Variants in CDH4 observed in about 807,000 individuals in gnomAD.
CDH4 encodes cadherin 4.
CDH4 carries 33 observed loss-of-function variants against 86.0 expected under a neutral mutation model. That is an observed-to-expected ratio of 0.38 (90% CI 0.29 to 0.51). The LOEUF (loss-of-function observed/expected upper bound fraction) is 0.51, where lower values mean the gene tolerates loss of function less well. CDH4 is among the 20% of genes least tolerant of loss of function. The pLI, the probability that CDH4 is intolerant of heterozygous loss-of-function variation, is 0.86. For synonymous variants in CDH4, 555 were observed against 549.4 expected (o/e 1.01, Z -0.14); for missense variants, 1,114 against 1,307.4 (o/e 0.85, Z 2.28).
chr20:61,410,018 G>T (rs1051586775), intron 2 of CDH4, among the ~76,000 whole-genome samples: 1 of 152,206 alleles, frequency 6.6e-6, no homozygotes, highest in East Asian at 1.9e-4. Context: ...AGGGTGTACA[G>T]TGCAGCTCAG....
At chr20:61,560,381 A>T (rs1600758903) in intron 2 of CDH4, among the ~76,000 whole-genome samples, 1 of 152,238 alleles carries the variant, frequency 6.6e-6, no homozygotes, top group African/African-American at 2.4e-5. Context: ...TCTTCTGGGC[A>T]TGTGACTCGC....
chr20:61,876,798 G>C (rs1984044947), intron 7 of CDH4, among the ~76,000 whole-genome samples: 1 of 152,162 alleles, frequency 6.6e-6, no homozygotes, highest in African/African-American at 2.4e-5. Context: ...ATAGATAAAG[G>C]GACTAAAGAC....
intron 2 of CDH4, among the ~76,000 whole-genome samples, chr20:61,523,645 A>G (rs2085889498): frequency 6.6e-6 from 1 of 152,182 alleles, no homozygotes; most frequent in South Asian, 2.1e-4. Flanking sequence ...TCTCCCAGCT[A>G]CTTTCCTGGG....
chr20:61,686,509 GTGTGTGCATTCGTGTGTGCATTTGTGTA>G (rs1482750390), intron 2 of CDH4, among the ~76,000 whole-genome samples: 2 of 151,750 alleles, frequency 1.3e-5, no homozygotes, highest in African/African-American at 2.4e-5. Context: ...GTGTGTATAT[GTGTGTGCATTCGTGTGTGCATTTGTGTA>G]TGTGTGCATT....
rs998586787 is a variant in CDH4 at position 61,743,906 on chromosome 20, G to T, written c.396+117G>T. The T allele has an allele frequency of 3.8e-6, 3 of 788,476 alleles. No individual in the cohort carries two copies. In the South Asian group the frequency reaches 4.9e-5, roughly 13 times the overall value. The allele number at this position is 788,476 out of a possible 1,614,324, so 48.8% of individuals were successfully genotyped here. ...GGACAGACAGTCACCTCCTCCTCGG[G>T]CTGTGCCACTCAGGCCATTGCCAAC... On this transcript the variant is annotated intron_variant, in intron 3 of 15. Coordinates refer to ENST00000614565, the MANE Select transcript of CDH4 (RefSeq NM_001794.5).
intron 2 of CDH4, among the ~76,000 whole-genome samples, chr20:61,507,664 A>G (rs552417783): frequency 7.6e-4 from 116 of 152,206 alleles, no homozygotes; most frequent in Non-Finnish European, 1.5e-3. Flanking sequence ...GGAAAATCTG[A>G]GCAACCGTCA....
intron 2 of CDH4, among the ~76,000 whole-genome samples, chr20:61,419,600 C>T (rs80155051): frequency 0.014 from 2,123 of 152,168 alleles, 59 homozygotes; most frequent in African/African-American, 0.048. Context: ...CTGGCCCTGT[C>T]TGCCTCCCCA....
rs140693436 is a variant in CDH4 at position 61,919,112 on chromosome 20, C to T, written c.1375-4339C>T. 6.3e-3 allele frequency among the ~76,000 whole-genome samples: 963 copies of T among 152,322 alleles called. 3 individuals carry two copies. The highest frequency in any genetic ancestry group is 7.5e-3 in the Non-Finnish European group (508 of 68,022). ...TCTCGAACTCCTAGGCTCAAGTGAT[C>T]CTCCTGCCTCAGCTTTTCAAAGTGT... is the stretch of plus-strand genomic sequence containing the variant. On this transcript the variant is annotated intron_variant, in intron 9 of 15. Transcript: ENST00000614565.
Position 61,709,916 on chromosome 20 carries a change from TGA to T in CDH4, c.170-33643_170-33642del, listed in dbSNP as rs1320593057. Among the ~76,000 whole-genome samples the T allele has an allele frequency of 6.6e-6, 1 of 152,196 alleles. No individual in the cohort carries two copies. Among genetic ancestry groups the T allele is most frequent in the Non-Finnish European group, 1.5e-5 (1 of 68,036 alleles). ...GATCACGTCTGTTTTTGTAGCCGTG[TGA>T]GAGTTTTTTTCATTAGCGGGATCGG... On this transcript the variant is annotated intron_variant, in intron 2 of 15. Transcript: ENST00000614565. This position sits in a 1 kb window ranked among gnomAD's most constrained non-coding sequence, Gnocchi z 4.8.
At position 61,450,865 on chromosome 20, in the gene CDH4, A is replaced by G. The variant is rs960400805; in HGVS notation, c.169+195928A>G. On this transcript the variant is annotated intron_variant, in intron 2 of 15. Transcript: ENST00000614565. ...AGCGGGGTTTTCTCTGCTCTAACCC[A>G]GTGTCCTGACAACAGTGGCCACCCA... is the stretch of plus-strand genomic sequence containing the variant. Among the ~76,000 whole-genome samples the G allele has an allele frequency of 6.8e-5, 10 of 146,438 alleles. 1 individual carries two copies. In the South Asian group the frequency reaches 2.5e-3, roughly 37 times the overall value.
At chr20:61,348,252 G>C (rs1218609473) in intron 2 of CDH4, among the ~76,000 whole-genome samples, 1 of 152,108 alleles carries the variant, frequency 6.6e-6, no homozygotes, top group Non-Finnish European at 1.5e-5. Context: ...CATCTTACAT[G>C]GTGGCAGGCA....
At chr20:61,310,483 C>T (rs2084439514) in intron 2 of CDH4, among the ~76,000 whole-genome samples, 1 of 152,128 alleles carries the variant, frequency 6.6e-6, no homozygotes, top group African/African-American at 2.4e-5. Flanking sequence ...ACCTTGGATC[C>T]CTCCCATGCG....
At chr20:61,666,042 C>G (rs551144456) in intron 2 of CDH4, among the ~76,000 whole-genome samples, 3 of 152,312 alleles carry the variant, frequency 2.0e-5, no homozygotes, top group Non-Finnish European at 4.4e-5. Context: ...TACCATCCAG[C>G]CAGCCCCACC....
intron 2 of CDH4, among the ~76,000 whole-genome samples, chr20:61,318,177 TA>T (rs1426319598): frequency 3.3e-5 from 5 of 152,138 alleles, no homozygotes; most frequent in African/African-American, 1.2e-4. Flanking sequence ...ACCATCCTAA[TA>T]GATGTTAAAC....
Position 61,855,724 on chromosome 20 carries a change from G to A in CDH4, c.877+2826G>A, listed in dbSNP as rs566138894. 3.3e-5 allele frequency among the ~76,000 whole-genome samples: 5 copies of A among 152,386 alleles called. No individual in the cohort carries two copies. The South Asian group carries it at 6.2e-4, about 19-fold the overall frequency. On this transcript the variant is annotated intron_variant, in intron 6 of 15. Transcript: ENST00000614565. ...CGGAGACGTGGCCCCGTAAGTCCAC[G>A]TAAGCCAAGCCTGGAGAGCCCGGCT...
intron 2 of CDH4, among the ~76,000 whole-genome samples, chr20:61,695,345 TG>T (rs1359067752): frequency 6.6e-6 from 1 of 152,172 alleles, no homozygotes; most frequent in African/African-American, 2.4e-5. Flanking sequence ...CCTGCTGCTG[TG>T]GGTATCAGAT....
intron 2 of CDH4, among the ~76,000 whole-genome samples, chr20:61,644,528 G>A (rs1441647097): frequency 2.6e-5 from 4 of 152,188 alleles, no homozygotes; most frequent in East Asian, 1.9e-4. Flanking sequence ...TTTGAATGAC[G>A]TGAGCGGGCT....
At chr20:61,559,519 CTTTTTTTTTT>C (rs1156864328) in intron 2 of CDH4, among the ~76,000 whole-genome samples, 1 of 105,176 alleles carries the variant, frequency 9.5e-6, no homozygotes, top group Non-Finnish European at 1.8e-5. Flanking sequence ...ATTTTTTTTT[CTTTTTTTTTT>C]TTTTTTTTTG....
At chr20:61,363,401 A>G (rs1367939259) in intron 2 of CDH4, among the ~76,000 whole-genome samples, 1 of 152,104 alleles carries the variant, frequency 6.6e-6, no homozygotes, top group Non-Finnish European at 1.5e-5. Flanking sequence ...GGCATAAAAG[A>G]ATCTAAATAT....
Sources: gnomAD v4.1 joint callset for allele counts (sites outside exome capture counted in the v4.1 genomes callset) on GRCh38, gnomAD v4.1.1 for gene constraint, Gnocchi (gnomAD v3.1) non-coding constraint, MANE v1.5 for transcripts, NCBI Gene and HGNC (gene_info 2026-07-23, HGNC 2026-07-21) for gene names.